ARMH3: variants seen among roughly 807,000 people sequenced by gnomAD.
ARMH3 encodes armadillo-like helical domain-containing protein 3.
In ARMH3, 60 loss-of-function variants were observed where a neutral mutation model predicts 99.1. The ratio of observed to expected loss-of-function variants is 0.61; its 90% CI spans 0.49 to 0.75. The LOEUF (loss-of-function observed/expected upper bound fraction) is 0.75. Ranked by LOEUF, ARMH3 falls within the 30% of genes least tolerant of loss-of-function variation. The pLI is 0.00. For synonymous variants in ARMH3, 285 were observed against 292.8 expected (o/e 0.97, Z 0.27); for missense variants, 679 against 843.1 (o/e 0.81, Z 2.41).
At position 102,019,939 on chromosome 10, in the gene ARMH3, A is replaced by C. The variant is rs186795734; in HGVS notation, c.669+3538T>G. On this transcript the variant is annotated intron_variant, in intron 8 of 25. Coordinates refer to ENST00000370033, the MANE Select transcript of ARMH3 (RefSeq NM_024541.3). ...TGAGACTCTGTCTCAAAAAAAAAAA[A>C]AAAAGCTTATAGAATAAAGATATAT... is the stretch of plus-strand genomic sequence containing the variant. 8.8e-3 allele frequency among the ~76,000 whole-genome samples: 1,335 copies of C among 151,714 alleles called. 26 individuals carry two copies. The highest frequency in any genetic ancestry group is 0.03 in the African/African-American group (1,252 of 41,364).
In ARMH3 at chr10:101,981,530, T is replaced by C. The variant is rs148923262; in HGVS notation, c.1407-6230A>G. On this transcript the variant is annotated intron_variant, in intron 19 of 25. Coordinates refer to ENST00000370033, the MANE Select transcript of ARMH3 (RefSeq NM_024541.3). ...AGTGAATTGAACTAAATTTATAAGC[T>C]AAAGTCCTAAAATTACTCTTCTCCA... Among the ~76,000 whole-genome samples, 38 of 152,328 alleles carry C rather than the reference T, an allele frequency of 2.5e-4. No homozygotes were observed. The East Asian group carries it at 6.2e-3, about 25-fold the overall frequency.
intron 20 of ARMH3, among the ~76,000 whole-genome samples, chr10:101,960,146 C>T (rs959599143): frequency 6.6e-6 from 1 of 152,054 alleles, no homozygotes; most frequent in African/African-American, 2.4e-5. Context: ...CCACTGCACT[C>T]CACCTTGGGC....
intron 22 of ARMH3, among the ~76,000 whole-genome samples, chr10:101,940,311 G>A (rs1844179583): frequency 6.6e-6 from 1 of 152,154 alleles, no homozygotes; most frequent in Non-Finnish European, 1.5e-5. Flanking sequence ...CCCTAATGGT[G>A]GGGGCTGATT....
At chr10:101,864,896 C>G (rs918785788) in intron 24 of ARMH3, among the ~76,000 whole-genome samples, 6 of 148,890 alleles carry the variant, frequency 4.0e-5, no homozygotes, top group Non-Finnish European at 7.5e-5. Context: ...TTAAAAAAAT[C>G]AGGACTTTAC....
intron 23 of ARMH3, among the ~76,000 whole-genome samples, chr10:101,900,754 G>T (rs1308495221): frequency 6.6e-6 from 1 of 152,174 alleles, no homozygotes; most frequent in Admixed American, 6.5e-5. Flanking sequence ...CGCCCAGGTG[G>T]GAGAACTGCT....
At chr10:101,958,162 T>C (rs1023963793) in intron 20 of ARMH3, among the ~76,000 whole-genome samples, 4 of 152,200 alleles carry the variant, frequency 2.6e-5, no homozygotes, top group African/African-American at 4.8e-5. Flanking sequence ...TCAGACATCA[T>C]TGCTAAGAGG....
chr10:101,960,535 T>C (rs550267334), intron 20 of ARMH3, among the ~76,000 whole-genome samples: 13 of 152,114 alleles, frequency 8.5e-5, no homozygotes, highest in South Asian at 2.1e-4. Context: ...CACCCCAAAC[T>C]AGCTGGTGAC....
intron 23 of ARMH3, among the ~76,000 whole-genome samples, chr10:101,939,645 A>G (rs556777608): frequency 6.6e-6 from 1 of 152,216 alleles, no homozygotes; most frequent in Non-Finnish European, 1.5e-5. Flanking sequence ...CAGTAAAAAA[A>G]TTCACAGAAC....
chr10:101,952,536 G>GT (rs1459877633), intron 22 of ARMH3: 1 of 151,402 alleles, frequency 6.6e-6, no homozygotes, highest in Non-Finnish European at 1.5e-5. Context: ...TGTTACTGTG[G>GT]TAAAAAAAAA....
At chr10:102,041,941 C>G (rs117368605) in intron 1 of ARMH3, among the ~76,000 whole-genome samples, 3,616 of 152,252 alleles carry the variant, frequency 0.024, 77 homozygotes, top group Non-Finnish European at 0.037. Flanking sequence ...AGCCACTGTC[C>G]CCAGCCTGAC....
At chr10:101,904,224 AAC>A (rs1247091206) in intron 23 of ARMH3, among the ~76,000 whole-genome samples, 1 of 152,200 alleles carries the variant, frequency 6.6e-6, no homozygotes, top group Non-Finnish European at 1.5e-5. Context: ...CTCAGTGAGA[AAC>A]ACAGAAGAGA....
intron 1 of ARMH3, among the ~76,000 whole-genome samples, chr10:102,055,181 C>T (rs2067810494): frequency 6.6e-6 from 1 of 151,818 alleles, no homozygotes; most frequent in Admixed American, 6.6e-5. Flanking sequence ...ATTAGCTGGG[C>T]GTGGTAGCGC....
chr10:102,009,492 G>T (rs367799576), intron 12 of ARMH3, 43 bp from the exon 13 acceptor site: 39 of 1,497,310 alleles, frequency 2.6e-5, no homozygotes, highest in Non-Finnish European at 3.3e-5. Context: ...TTATAGTGGG[G>T]GGAGTTAAAA....
At chr10:102,019,021 A>G (rs758651406) in intron 8 of ARMH3, among the ~76,000 whole-genome samples, 10 of 151,956 alleles carry the variant, frequency 6.6e-5, no homozygotes, top group Non-Finnish European at 1.3e-4. Flanking sequence ...ACAATAAACG[A>G]CTATGTTACT....
chr10:101,912,222 G>A lies in ARMH3; in HGVS notation c.1782-22732C>T, dbSNP rs529999166. Among the ~76,000 whole-genome samples, 15 of 151,684 alleles carry A rather than the reference G, an allele frequency of 9.9e-5. No homozygotes were observed. The East Asian group carries it at 1.4e-3, about 14-fold the overall frequency. ...AGTCTGGCCAATATGGTGAAACCCC[G>A]TCTCTACTAAAAATACAAAAATTAG... On this transcript the variant is annotated intron_variant, in intron 23 of 25. Coordinates refer to ENST00000370033, the MANE Select transcript of ARMH3 (RefSeq NM_024541.3).
intron 23 of ARMH3, among the ~76,000 whole-genome samples, chr10:101,932,238 C>CA (rs1192216013): frequency 6.6e-6 from 1 of 151,966 alleles, no homozygotes; most frequent in Non-Finnish European, 1.5e-5. Flanking sequence ...GGCTAGTAAC[C>CA]AAAAAATGGA....
chr10:101,951,526 T>C (rs964741471), intron 22 of ARMH3, among the ~76,000 whole-genome samples: 10 of 152,058 alleles, frequency 6.6e-5, no homozygotes, highest in African/African-American at 2.4e-4. Context: ...TGAGCTGTGA[T>C]TGACACTGCA....
chr10:102,016,981 T>A (rs1026263001), intron 8 of ARMH3, among the ~76,000 whole-genome samples: 1 of 152,246 alleles, frequency 6.6e-6, no homozygotes, highest in African/African-American at 2.4e-5. Flanking sequence ...ATCTTTTCTA[T>A]CACTTTTATT....
chr10:101,946,950 G>T (rs1243880611), intron 22 of ARMH3, among the ~76,000 whole-genome samples: 2 of 151,222 alleles, frequency 1.3e-5, no homozygotes, highest in African/African-American at 2.4e-5. Flanking sequence ...AGCACTTTGA[G>T]AGGCTGAGGC....
Sources: gnomAD v4.1 joint callset for allele counts (sites outside exome capture counted in the v4.1 genomes callset) on GRCh38, gnomAD v4.1.1 for gene constraint, MANE v1.5 for transcripts, NCBI Gene and HGNC (gene_info 2026-07-23, HGNC 2026-07-21) for gene names.